AK8: variants seen among roughly 807,000 people sequenced by gnomAD.
AK8 encodes the protein adenylate kinase 8.
In AK8, 44 loss-of-function variants were observed where a neutral mutation model predicts 54.6. The ratio of observed to expected loss-of-function variants is 0.81; its 90% CI spans 0.63 to 1.04. The LOEUF (loss-of-function observed/expected upper bound fraction) is 1.04, where lower values mean the gene tolerates loss of function less well. AK8 is among the 50% of genes least tolerant of loss of function. The pLI is 0.00. For synonymous variants in AK8, 239 were observed against 245.6 expected (o/e 0.97, Z 0.25); for missense variants, 555 against 613.6 (o/e 0.90, Z 1.01).
chr9:132,800,412 A>C (rs1410638901), intron 10 of AK8, among the ~76,000 whole-genome samples: 1 of 152,176 alleles, frequency 6.6e-6, no homozygotes, highest in Non-Finnish European at 1.5e-5. Flanking sequence ...GGAGAAGAGA[A>C]TGAGGAGAAA....
chr9:132,855,045 G>T (rs1339005563), intron 4 of AK8, 120 bp from the exon 5 acceptor site: 2 of 991,064 alleles, frequency 2.0e-6, no homozygotes, highest in African/African-American at 3.2e-5. Flanking sequence ...CCACCATCGG[G>T]CCCCGCCCTT....
At chr9:132,827,201 ACACCAG>A in intron 7 of AK8, 147 bp from the exon 8 acceptor site, 1 of 714,012 alleles carries the variant, frequency 1.4e-6, no homozygotes, top group South Asian at 1.7e-5. Context: ...CCGTTGCTCA[ACACCAG>A]CACTTCCAGC....
At chr9:132,767,352 A>G (rs1838767276) in intron 11 of AK8, among the ~76,000 whole-genome samples, 1 of 152,244 alleles carries the variant, frequency 6.6e-6, no homozygotes, top group African/African-American at 2.4e-5. Flanking sequence ...GGCATATGAA[A>G]ATAAATGTTC....
chr9:132,775,992 A>G (rs1432976165), intron 11 of AK8, among the ~76,000 whole-genome samples: 1 of 152,254 alleles, frequency 6.6e-6, no homozygotes, highest in Non-Finnish European at 1.5e-5. Context: ...ACCTAGCAAC[A>G]GGCTGTCATA....
At chr9:132,831,834 C>T (rs1842112631) in intron 5 of AK8, among the ~76,000 whole-genome samples, 1 of 151,942 alleles carries the variant, frequency 6.6e-6, no homozygotes, top group African/African-American at 2.4e-5. Flanking sequence ...GCAGGAGGAT[C>T]GCTGGATGCC....
chr9:132,730,689 C>T (rs1217749153), intron 11 of AK8, among the ~76,000 whole-genome samples: 1 of 152,100 alleles, frequency 6.6e-6, no homozygotes, highest in Non-Finnish European at 1.5e-5. Context: ...ACACCTGGGT[C>T]AGGGATTCTG....
chr9:132,854,032 C>T (rs1281890041), intron 5 of AK8, among the ~76,000 whole-genome samples: 1 of 151,908 alleles, frequency 6.6e-6, no homozygotes. Flanking sequence ...GAAACTCTAT[C>T]TCTACAAAAA....
Position 132,792,667 on chromosome 9 carries a change from T to A in AK8, c.1088A>T (p.His363Leu). 2 of 1,555,236 alleles carry A rather than the reference T, an allele frequency of 1.3e-6. No homozygotes were observed. The highest frequency in any genetic ancestry group is 1.7e-6 in the Non-Finnish European group (2 of 1,149,868). The change falls in exon 11 of 13, where the codon CAC becomes CTC. Residue 363 changes from histidine (H) to leucine (L), a missense_variant. Coordinates refer to ENST00000298545, the MANE Select transcript of AK8 (RefSeq NM_152572.3). ...ATTGTAGCCCAGGCGGTTCAGCAGGTGTGCCTGGTCGAGGTCCCGCGGGAC... is the reference window on the plus strand; with the variant it reads ...ATTGTAGCCCAGGCGGTTCAGCAGGAGTGCCTGGTCGAGGTCCCGCGGGAC... ...HGVPRDLDQAHLLNRLGYNPN... is the reference protein window; with the variant it reads ...HGVPRDLDQALLLNRLGYNPN...
chr9:132,808,024 A>G (rs1192078424), intron 10 of AK8, among the ~76,000 whole-genome samples: 1 of 152,096 alleles, frequency 6.6e-6, no homozygotes, highest in Non-Finnish European at 1.5e-5. Flanking sequence ...ATCTGTACAC[A>G]TGCTGTAGAA....
At chr9:132,801,407 A>G (rs1840452463) in intron 10 of AK8, among the ~76,000 whole-genome samples, 1 of 152,248 alleles carries the variant, frequency 6.6e-6, no homozygotes, top group Non-Finnish European at 1.5e-5. Flanking sequence ...ACATTTTTAC[A>G]TCTTTCAATG....
At chr9:132,875,308 C>A in intron 1 of AK8, 109 bp from the exon 2 acceptor site, 2 of 1,508,854 alleles carry the variant, frequency 1.3e-6, no homozygotes, top group South Asian at 1.3e-5. Context: ...ACCAAACATG[C>A]CTTCAACCTG....
chr9:132,846,850 A>G (rs1274989807), intron 5 of AK8, among the ~76,000 whole-genome samples: 1 of 152,188 alleles, frequency 6.6e-6, no homozygotes, highest in Non-Finnish European at 1.5e-5. Context: ...GGCGTGCCTC[A>G]GGCCCTGCAG....
At chr9:132,743,927 A>G (rs1370310986) in intron 11 of AK8, among the ~76,000 whole-genome samples, 2 of 152,190 alleles carry the variant, frequency 1.3e-5, no homozygotes, top group African/African-American at 4.8e-5. Context: ...TCTCAGATGT[A>G]AAATAATCGT....
chr9:132,836,503 G>A (rs1842330321), intron 5 of AK8, among the ~76,000 whole-genome samples: 1 of 152,176 alleles, frequency 6.6e-6, no homozygotes, highest in Non-Finnish European at 1.5e-5. Context: ...GGCATTCCAG[G>A]TATGAACTGA....
At chr9:132,789,803 G>C (rs1588132917) in intron 11 of AK8, among the ~76,000 whole-genome samples, 1 of 151,912 alleles carries the variant, frequency 6.6e-6, no homozygotes, top group Non-Finnish European at 1.5e-5. Flanking sequence ...CCCCATCTTT[G>C]AGCCACCAAT....
intron 2 of AK8, among the ~76,000 whole-genome samples, chr9:132,871,262 CAAAA>C (rs1300914197): frequency 1.3e-5 from 2 of 151,852 alleles, no homozygotes; most frequent in African/African-American, 4.8e-5. Flanking sequence ...AAAAGAAAAA[CAAAA>C]AAACAGAAAA....
At chr9:132,798,899 C>T (rs569468520) in intron 10 of AK8, among the ~76,000 whole-genome samples, 4 of 152,282 alleles carry the variant, frequency 2.6e-5, no homozygotes, top group South Asian at 2.1e-4. Context: ...CCTCCTGTCT[C>T]GAAGGGGAAG....
At chr9:132,754,805 T>G (rs1404021773) in intron 11 of AK8, among the ~76,000 whole-genome samples, 5 of 151,880 alleles carry the variant, frequency 3.3e-5, no homozygotes, top group Non-Finnish European at 5.9e-5. Flanking sequence ...TTTTGGTTTT[T>G]TTTTTTTTTT....
At chr9:132,836,821 C>T (rs1842343389) in intron 5 of AK8, among the ~76,000 whole-genome samples, 1 of 152,238 alleles carries the variant, frequency 6.6e-6, no homozygotes, top group Admixed American at 6.5e-5. Context: ...CCTCTGGAAG[C>T]CCATGTGACT....
Sources: allele counts gnomAD v4.1 joint callset (sites outside exome capture counted in the v4.1 genomes callset), GRCh38; gene constraint gnomAD v4.1.1; transcripts MANE v1.5; gene names NCBI Gene and HGNC (gene_info 2026-07-23, HGNC 2026-07-21).